OR5M10: variants seen among roughly 807,000 people sequenced by gnomAD.
OR5M10 encodes the protein olfactory receptor family 5 subfamily M member 10.
For synonymous variants in OR5M10, 149 were observed against 144.8 expected (o/e 1.03, Z -0.21); for missense variants, 387 against 376.4 (o/e 1.03, Z -0.23).
In OR5M10 at chr11:56,577,629, G is replaced by T. The variant is rs754969852; in HGVS notation, c.93C>A (p.Phe31Leu). 3 of 1,613,590 alleles carry T rather than the reference G, an allele frequency of 1.9e-6. No individual in the cohort carries two copies. The highest frequency in any genetic ancestry group is 1.1e-5 in the South Asian group (1 of 91,074). ...CCAGTGTGATTAGGTAGATCGCCAG[G>T]AACACCCCAAACAGGATCTTCTCTA... ...PVLEKILFGVFLAIYLITLAG... is the reference protein window; with the variant it reads ...PVLEKILFGVLLAIYLITLAG... The change falls in exon 1 of 1, where the codon TTC becomes TTA. Residue 31 changes from phenylalanine (F) to leucine (L), a missense_variant. Coordinates refer to ENST00000526538, the MANE Select transcript of OR5M10 (RefSeq NM_001004741.1).
Position 56,576,874 on chromosome 11 carries a change from G to T in OR5M10, c.848C>A (p.Pro283Gln), listed in dbSNP as rs748714911. 6.2e-7 allele frequency: 1 copy of T among 1,613,788 alleles called. No homozygotes were observed. ...GCTATAGATCAATGGGTTCAGCATT[G>T]GGCTCAAAAAAGTATAAAAGACTGC... ...IIAVFYTFLS[P>Q]MLNPLIYSLR... The change falls in exon 1 of 1, where the codon CCA (proline) becomes CAA (glutamine). Residue 283 changes from proline (P) to glutamine (Q), a missense_variant. Physicochemically the swap from Pro to Gln is moderately conservative, Grantham distance 76. Transcript: ENST00000526538.
chr11:56,577,354 T>G lies in OR5M10; in HGVS notation c.368A>C (p.Tyr123Ser), dbSNP rs767750225. The stretch of plus-strand genomic sequence containing the variant: ...ATGTAAAGGGCTGCAAATGGCTACA[T>G]AGCGATCCAATGCCATTGAAGCAAG... ...YFLASMALDRYVAICSPLHYS... is the reference protein window; with the variant it reads ...YFLASMALDRSVAICSPLHYS... Residue 123 changes from tyrosine to serine, a missense_variant, in exon 1 of 1, where the codon TAT becomes TCT. By Grantham distance (144) the Tyr-to-Ser change is moderately radical. Coordinates refer to ENST00000526538, the MANE Select transcript of OR5M10 (RefSeq NM_001004741.1). 6.2e-7 allele frequency: 1 copy of G among 1,613,222 alleles called. No individual in the cohort carries two copies. The highest frequency in any genetic ancestry group is 8.5e-7 in the Non-Finnish European group (1 of 1,179,496).
chr11:56,576,990 G>T lies in OR5M10; in HGVS notation c.732C>A (p.His244Gln). ...RHKAFSTCASHLTIVTLFYGT... is the reference protein window; with the variant it reads ...RHKAFSTCASQLTIVTLFYGT... ...CATAAAACAAAGTGACTATTGTCAG[G>T]TGGGAAGCACACGTAGAAAAGGCTT... The change falls in exon 1 of 1, where the codon CAC (histidine) becomes CAA (glutamine). Residue 244 changes from histidine to glutamine, a missense_variant. His to Gln is a conservative substitution (Grantham distance 24, BLOSUM62 0). Coordinates refer to ENST00000526538, the MANE Select transcript of OR5M10 (RefSeq NM_001004741.1). The T allele has an allele frequency of 1.9e-6, 3 of 1,613,854 alleles. No homozygotes were observed. Among genetic ancestry groups the T allele is most frequent in the Non-Finnish European group, 2.5e-6 (3 of 1,179,864 alleles).
At position 56,577,463 on chromosome 11, in the gene OR5M10, A is replaced by G. The variant is rs1414043331; in HGVS notation, c.259T>C (p.Ser87Pro). ...GCGTAGGAGATGGTCTTCTGTTCTG[A>G]GAGGAAATTGTGCAGCATATTTGGA... ...VTPNMLHNFL[S>P]EQKTISYAGC... Residue 87 changes from serine to proline, a missense_variant, in exon 1 of 1, where the codon TCA becomes CCA. By Grantham distance (74) the Ser-to-Pro change is moderately conservative (BLOSUM62 -1). Transcript: ENST00000526538. The G allele has an allele frequency of 1.9e-6, 3 of 1,613,630 alleles. No homozygotes were observed. Among genetic ancestry groups the G allele is most frequent in the Non-Finnish European group, 1.7e-6 (2 of 1,179,778 alleles).
At position 56,577,217 on chromosome 11, in the gene OR5M10, A is replaced by C; in HGVS notation, c.505T>G (p.Cys169Gly). ...AAATGATTGATTTCAAGGGAGCCAC[A>C]GAAGGATAAGTGAAAGGTCAGCAGT... ...QTLLTFHLSFCGSLEINHFYC... is the reference protein window; with the variant it reads ...QTLLTFHLSFGGSLEINHFYC... Residue 169 changes from cysteine (C) to glycine (G), a missense_variant, in exon 1 of 1, where the codon TGT becomes GGT. Cys to Gly is a radical substitution (Grantham distance 159, BLOSUM62 -3). Coordinates refer to ENST00000526538, the MANE Select transcript of OR5M10 (RefSeq NM_001004741.1). 1.2e-5 allele frequency: 19 copies of C among 1,613,932 alleles called. No individual in the cohort carries two copies. Among genetic ancestry groups the C allele is most frequent in the Non-Finnish European group, 1.6e-5 (19 of 1,179,890 alleles).
rs1853270458 is a variant in OR5M10 at position 56,577,512 on chromosome 11, G to A, written c.210C>T (p.Asp70=). The change falls in exon 1 of 1, where the codon GAC becomes GAT. Residue 70 remains aspartate, a synonymous_variant. Coordinates refer to ENST00000526538, the MANE Select transcript of OR5M10 (RefSeq NM_001004741.1). ...YFFLGHLSFV[D]ICYSSNVTPN... is the part of the protein sequence containing the mutation. ...GAGTAACATTGGAAGAATAGCAAAT[G>A]TCTACAAAGGAGAGGTGACCAAGGA... 1 of 1,613,632 alleles carries A rather than the reference G, an allele frequency of 6.2e-7. No homozygotes were observed. The highest frequency in any genetic ancestry group is 8.5e-7 in the Non-Finnish European group (1 of 1,179,720).
chr11:56,576,968 A>G lies in OR5M10; in HGVS notation c.754T>C (p.Tyr252His), dbSNP rs748434466. ...ASHLTIVTLF[Y>H]GTLFCMYVRP... Reference sequence around the variant, plus strand: ...ACGTACATGCAGAAGAGGGTTCCATAAAACAAAGTGACTATTGTCAGGTGG... The same window carrying G: ...ACGTACATGCAGAAGAGGGTTCCATGAAACAAAGTGACTATTGTCAGGTGG... The change falls in exon 1 of 1, where the codon TAT becomes CAT. Residue 252 changes from tyrosine to histidine, a missense_variant. Transcript: ENST00000526538. 2 of 1,613,878 alleles carry G rather than the reference A, an allele frequency of 1.2e-6. No individual in the cohort carries two copies. The highest frequency in any genetic ancestry group is 2.2e-5 in the East Asian group (1 of 44,894).
chr11:56,576,815 G>A lies in OR5M10; in HGVS notation c.907C>T (p.Gln303Ter). 1.9e-6 allele frequency: 3 copies of A among 1,612,652 alleles called. No homozygotes were observed. The highest frequency in any genetic ancestry group is 2.5e-6 in the Non-Finnish European group (3 of 1,179,572). The stretch of plus-strand genomic sequence containing the variant: ...CAAAAGGATTTTCCCCTAATCATTT[G>A]TTGTATGGCAAGGATTACATCTCTG... ...RNRDVILAIQ[Q>*]MIRGKSFCKI... Residue 303 changes from glutamine (Q) to a stop codon, truncating the protein, a stop_gained, in exon 1 of 1, where the codon CAA becomes TAA. Transcript: ENST00000526538. LOFTEE classifies it low-confidence loss of function (END_TRUNC).
rs769879734 is a variant in OR5M10, at chr11:56,577,168, A to T, written c.554T>A (p.Ile185Asn). ...ACGGGTGTCAGAGCAGGCCAGCATG[A>T]TAAGAGGAGGATCAGCGCAGTAGAA... Reference protein sequence around the residue: ...NHFYCADPPLIMLACSDTRVK... With the variant: ...NHFYCADPPLNMLACSDTRVK... Residue 185 changes from isoleucine (I) to asparagine (N), a missense_variant, in exon 1 of 1, where the codon ATC becomes AAC. By Grantham distance (149) the Ile-to-Asn change is moderately radical. Coordinates refer to ENST00000526538, the MANE Select transcript of OR5M10 (RefSeq NM_001004741.1). 6.2e-7 allele frequency: 1 copy of T among 1,613,796 alleles called. No homozygotes were observed. The highest frequency in any genetic ancestry group is 8.5e-7 in the Non-Finnish European group (1 of 1,179,894).
rs747565748 is a variant in OR5M10, at chr11:56,577,578, C to T, written c.144G>A (p.Leu48=). Reference sequence around the variant, plus strand: ...TTTGCAGTTGGGAATTGGTCCTGATCAGCAGGATCATGCACAGGTTGCCTG... The same window carrying T: ...TTTGCAGTTGGGAATTGGTCCTGATTAGCAGGATCATGCACAGGTTGCCTG... The part of the protein sequence containing the change: ...TLAGNLCMIL[L]IRTNSQLQTP... Residue 48 remains leucine, a synonymous_variant, in exon 1 of 1, where the codon CTG becomes CTA. Transcript: ENST00000526538. 3.7e-6 allele frequency: 6 copies of T among 1,613,654 alleles called. No homozygotes were observed. Among genetic ancestry groups the T allele is most frequent in the Non-Finnish European group, 5.1e-6 (6 of 1,179,718 alleles).
At position 56,577,341 on chromosome 11, in the gene OR5M10, G is replaced by A. The variant is rs1039369400; in HGVS notation, c.381C>T (p.Cys127=). The A allele has an allele frequency of 2.5e-6, 4 of 1,613,584 alleles. No individual in the cohort carries two copies. The African/African-American group carries it at 5.3e-5, about 22-fold the overall frequency. The change falls in exon 1 of 1, where the codon TGC becomes TGT. Residue 127 remains cysteine (C), a synonymous_variant. Coordinates refer to ENST00000526538, the MANE Select transcript of OR5M10 (RefSeq NM_001004741.1). ...SMALDRYVAI[C]SPLHYSSRMS... The stretch of plus-strand genomic sequence containing the variant: ...TCCTGGAACTGTAATGTAAAGGGCT[G>A]CAAATGGCTACATAGCGATCCAATG...
chr11:56,577,234 G>T lies in OR5M10; in HGVS notation c.488C>A (p.Thr163Asn). 1 of 1,613,890 alleles carries T rather than the reference G, an allele frequency of 6.2e-7. No individual in the cohort carries two copies. Residue 163 changes from threonine (T) to asparagine (N), a missense_variant, in exon 1 of 1, where the codon ACC (threonine) becomes AAC (asparagine). Transcript: ENST00000526538. Reference sequence around the variant, plus strand: ...GGAGCCACAGAAGGATAAGTGAAAGGTCAGCAGTGTCTGAGAGAGCCCATT... The same window carrying T: ...GGAGCCACAGAAGGATAAGTGAAAGTTCAGCAGTGTCTGAGAGAGCCCATT... The part of the protein sequence containing the change: ...FLNGLSQTLL[T>N]FHLSFCGSLE...
In OR5M10 at chr11:56,577,585, A is replaced by T; in HGVS notation, c.137T>A (p.Ile46Asn). ...LITLAGNLCM[I>N]LLIRTNSQLQ... Reference sequence around the variant, plus strand: ...TTGGGAATTGGTCCTGATCAGCAGGATCATGCACAGGTTGCCTGCCAGTGT... The same window carrying T: ...TTGGGAATTGGTCCTGATCAGCAGGTTCATGCACAGGTTGCCTGCCAGTGT... The change falls in exon 1 of 1, where the codon ATC (isoleucine) becomes AAC (asparagine). Residue 46 changes from isoleucine (I) to asparagine (N), a missense_variant. Ile to Asn is a moderately radical substitution (Grantham distance 149). Coordinates refer to ENST00000526538, the MANE Select transcript of OR5M10 (RefSeq NM_001004741.1). 2 of 1,613,704 alleles carry T rather than the reference A, an allele frequency of 1.2e-6. No individual in the cohort carries two copies. Among genetic ancestry groups the T allele is most frequent in the Non-Finnish European group, 1.7e-6 (2 of 1,179,718 alleles).
At position 56,576,943 on chromosome 11, in the gene OR5M10, A is replaced by G; in HGVS notation, c.779T>C (p.Val260Ala). 1 of 1,613,968 alleles carries G rather than the reference A, an allele frequency of 6.2e-7. No individual in the cohort carries two copies. The highest frequency in any genetic ancestry group is 1.7e-4 in the Middle Eastern group (1 of 6,060). ...TACAGACTTCTCTGATGGAGGCCTTACGTACATGCAGAAGAGGGTTCCATA... is the reference window on the plus strand; with the variant it reads ...TACAGACTTCTCTGATGGAGGCCTTGCGTACATGCAGAAGAGGGTTCCATA... The part of the protein sequence containing the change: ...LFYGTLFCMY[V>A]RPPSEKSVEE... Residue 260 changes from valine to alanine, a missense_variant, in exon 1 of 1, where the codon GTA becomes GCA. Coordinates refer to ENST00000526538, the MANE Select transcript of OR5M10 (RefSeq NM_001004741.1).
chr11:56,577,161 C>T lies in OR5M10; in HGVS notation c.561G>A (p.Leu187=), dbSNP rs371447528. Reference sequence around the variant, plus strand: ...TTTTGACACGGGTGTCAGAGCAGGCCAGCATGATAAGAGGAGGATCAGCGC... The same window carrying T: ...TTTTGACACGGGTGTCAGAGCAGGCTAGCATGATAAGAGGAGGATCAGCGC... ...FYCADPPLIM[L]ACSDTRVKKM... The change falls in exon 1 of 1, where the codon CTG becomes CTA. Residue 187 remains leucine, a synonymous_variant. Transcript: ENST00000526538. 74 of 1,613,686 alleles carry T rather than the reference C, an allele frequency of 4.6e-5. No homozygotes were observed. Among genetic ancestry groups the T allele is most frequent in the Non-Finnish European group, 5.9e-5 (70 of 1,179,884 alleles).
rs752856926 is a variant in OR5M10, at chr11:56,577,434, T to G, written c.288A>C (p.Gly96=). The G allele has an allele frequency of 6.2e-7, 1 of 1,613,720 alleles. No homozygotes were observed. Among genetic ancestry groups the G allele is most frequent in the Non-Finnish European group, 8.5e-7 (1 of 1,179,844 alleles). Residue 96 remains glycine, a synonymous_variant, in exon 1 of 1, where the codon GGA becomes GGC. Transcript: ENST00000526538. ...LSEQKTISYA[G]CFTQCLLFIA... ...TGAAGAGAAGACACTGTGTGAAGCA[T>G]CCAGCGTAGGAGATGGTCTTCTGTT...
At position 56,577,623 on chromosome 11, in the gene OR5M10, C is replaced by G. The variant is rs781228134; in HGVS notation, c.99G>C (p.Ala33=). ...LEKILFGVFL[A]IYLITLAGNL... ...TGCCTGCCAGTGTGATTAGGTAGATCGCCAGGAACACCCCAAACAGGATCT... is the reference window on the plus strand; with the variant it reads ...TGCCTGCCAGTGTGATTAGGTAGATGGCCAGGAACACCCCAAACAGGATCT... The change falls in exon 1 of 1, where the codon GCG becomes GCC. Residue 33 remains alanine (A), a synonymous_variant. Transcript: ENST00000526538. The G allele has an allele frequency of 6.2e-7, 1 of 1,613,622 alleles. No homozygotes were observed. Among genetic ancestry groups the G allele is most frequent in the Admixed American group, 1.7e-5 (1 of 60,010 alleles).
Position 56,577,657 on chromosome 11 carries a change from A to T in OR5M10, c.65T>A (p.Val22Glu), listed in dbSNP as rs377095643. The T allele has an allele frequency of 1.9e-5, 30 of 1,613,578 alleles. No homozygotes were observed. In the African/African-American group the frequency reaches 3.9e-4, roughly 21 times the overall value. Residue 22 changes from valine to glutamate, a missense_variant, in exon 1 of 1, where the codon GTG becomes GAG. By Grantham distance (121) the Val-to-Glu change is moderately radical. Transcript: ENST00000526538. ...CACCCCAAACAGGATCTTCTCTAGC[A>T]CTGGGTCGTCTGTCAGTCCTAAGAG... Reference protein sequence around the residue: ...FILLGLTDDPVLEKILFGVFL... With the variant: ...FILLGLTDDPELEKILFGVFL...
At position 56,577,705 on chromosome 11, in the gene OR5M10, T is replaced by C. The variant is rs201334046; in HGVS notation, c.17A>G (p.His6Arg). MLSPN[H>R]TIVTEFILLG... ...GAGAATGAATTCTGTCACTATGGTG[T>C]GGTTTGGGGACAACATCTTCTTATT... Residue 6 changes from histidine to arginine, a missense_variant, in exon 1 of 1, where the codon CAC becomes CGC. Coordinates refer to ENST00000526538, the MANE Select transcript of OR5M10 (RefSeq NM_001004741.1). 1.2e-4 allele frequency: 197 copies of C among 1,611,840 alleles called. No individual in the cohort carries two copies. Among genetic ancestry groups the C allele is most frequent in the Non-Finnish European group, 1.6e-4 (189 of 1,178,376 alleles).
Sources: gnomAD v4.1 joint callset for allele counts on GRCh38, gnomAD v4.1.1 for gene constraint, MANE v1.5 for transcripts, NCBI Gene and HGNC (gene_info 2026-07-23, HGNC 2026-07-21) for gene names.